CIITA: variants seen among roughly 807,000 people sequenced by gnomAD.
CIITA encodes MHC class II transactivator.
Under a neutral mutation model 115.1 loss-of-function variants are expected in CIITA, and 72 were observed. The ratio of observed to expected loss-of-function variants is 0.63; its 90% CI spans 0.52 to 0.76. CIITA has a LOEUF of 0.76. Ranked by LOEUF, CIITA falls within the 30% of genes least tolerant of loss-of-function variation. The probability of loss-of-function intolerance (pLI) is 0.00; values close to 1 mark genes in which losing one functional copy is unlikely to be tolerated. For missense variants in CIITA, 1,617 were observed against 1,463.8 expected (o/e 1.10, Z -1.71); for synonymous variants, 763 against 635.6 (o/e 1.20, Z -3.02).
At chr16:10,898,576 G>A in intron 3 of CIITA, 94 bp from the exon 4 acceptor site, 16 of 999,114 alleles carry the variant, frequency 1.6e-5, no homozygotes, top group Non-Finnish European at 2.3e-5. Flanking sequence ...CCCACTGTGT[G>A]CCAGGCCCAG....
chr16:10,896,123 C>T (rs2038098932), intron 3 of CIITA, among the ~76,000 whole-genome samples: 1 of 152,228 alleles, frequency 6.6e-6, no homozygotes, highest in Non-Finnish European at 1.5e-5. Flanking sequence ...AGCCAAGCTA[C>T]TCTAGTATTT....
At chr16:10,899,033 C>A in intron 5 of CIITA, 31 bp downstream of exon 5, 1 of 1,608,964 alleles carries the variant, frequency 6.2e-7, no homozygotes, top group South Asian at 1.1e-5. Context: ...TCCAACCTAG[C>A]CTTGCTTGAG....
In CIITA at chr16:10,907,861, C is replaced by G. The variant is rs1026200952; in HGVS notation, c.2369C>G (p.Ala790Gly). ...GTGGACAGGAAGCAGAAGGTGCTTG[C>G]GAGGTACCTGAAGCGGCTGCAGCCG... ...ASVDRKQKVL[A>G]RYLKRLQPGT... The change falls in exon 11 of 20, where the codon GCG becomes GGG. Residue 790 changes from alanine (A) to glycine (G), a missense_variant. Coordinates refer to ENST00000324288, the MANE Select transcript of CIITA (RefSeq NM_000246.4). This position sits in a 1 kb window ranked among gnomAD's most constrained non-coding sequence, Gnocchi z 5.0. 1.2e-6 allele frequency: 2 copies of G among 1,610,722 alleles called. No homozygotes were observed. Among genetic ancestry groups the G allele is most frequent in the Admixed American group, 1.7e-5 (1 of 59,724 alleles).
At position 10,941,713 on chromosome 16, in the gene CIITA, A is replaced by G; in HGVS notation, n.839A>G. The G allele has an allele frequency of 6.2e-7, 1 of 1,603,212 alleles. No homozygotes were observed. The highest frequency in any genetic ancestry group is 8.5e-7 in the Non-Finnish European group (1 of 1,174,150). On this transcript the variant is annotated non_coding_transcript_exon_variant, in exon 2 of 2. Transcript: ENST00000573379. This position sits in a 1 kb window ranked among gnomAD's most constrained non-coding sequence, Gnocchi z 6.4. ...GTAGGGAAGAGGGGAACAGCAGTCG[A>G]GACCCTACTCCAAGTACGCATCAAA...
chr16:10,867,901 A>G (rs543206601), intron 1 of CIITA, among the ~76,000 whole-genome samples: 4 of 152,150 alleles, frequency 2.6e-5, no homozygotes, highest in African/African-American at 9.6e-5. Context: ...GACTACAGGC[A>G]TGCACCACTA....
intron 1 of CIITA, among the ~76,000 whole-genome samples, chr16:10,890,481 T>A (rs2037450649): frequency 6.6e-6 from 1 of 152,164 alleles, no homozygotes; most frequent in Non-Finnish European, 1.5e-5. Flanking sequence ...GAGATAGGGC[T>A]TCACCATGTT....
At position 10,913,780 on chromosome 16, in the gene CIITA, A is replaced by G. The variant is rs1044144237; in HGVS notation, c.2889-1790A>G. On this transcript the variant is annotated intron_variant, in intron 13 of 19. Coordinates refer to ENST00000324288, the MANE Select transcript of CIITA (RefSeq NM_000246.4). ...TAGTGAAACCCCATCTCTACTAAATATACAAAACAAATTAGCTGGGCATGG... is the reference window on the plus strand; with the variant it reads ...TAGTGAAACCCCATCTCTACTAAATGTACAAAACAAATTAGCTGGGCATGG... Among the ~76,000 whole-genome samples, 22 of 151,776 alleles carry G rather than the reference A, an allele frequency of 1.4e-4. 1 individual carries two copies. Among genetic ancestry groups the G allele is most frequent in the African/African-American group, 2.4e-5 (1 of 41,370 alleles).
At chr16:10,910,590 C>T (rs985509242) in intron 13 of CIITA, among the ~76,000 whole-genome samples, 1 of 152,214 alleles carries the variant, frequency 6.6e-6, no homozygotes, top group Non-Finnish European at 1.5e-5. Flanking sequence ...GTCAGGGGGA[C>T]TTCCTGGAGG....
intron 3 of CIITA, among the ~76,000 whole-genome samples, chr16:10,897,849 C>G (rs764337619): frequency 6.6e-6 from 1 of 152,204 alleles, no homozygotes; most frequent in Non-Finnish European, 1.5e-5. Context: ...TTATGGCCAT[C>G]ATTCCATTCC....
At chr16:10,909,416 A>G (rs2039405354) in intron 12 of CIITA, among the ~76,000 whole-genome samples, 1 of 152,222 alleles carries the variant, frequency 6.6e-6, no homozygotes, top group African/African-American at 2.4e-5. Flanking sequence ...CATGTGCCCA[A>G]GTCTTAGCTA....
At chr16:10,873,017 G>C (rs966818893), upstream of CIITA, among the ~76,000 whole-genome samples, 4 of 152,082 alleles carry the variant, frequency 2.6e-5, no homozygotes, top group Non-Finnish European at 4.4e-5. Flanking sequence ...CTGTCGCCAA[G>C]GCTGGAGCAC....
At chr16:10,895,260 T>G in intron 1 of CIITA, 22 bp from the exon 2 acceptor site, 1 of 1,613,398 alleles carries the variant, frequency 6.2e-7, no homozygotes, top group Non-Finnish European at 8.5e-7. Context: ...GTGAGGTGAC[T>G]GAGCATTGTC....
intron 1 of CIITA, among the ~76,000 whole-genome samples, chr16:10,886,803 T>C (rs1437722137): frequency 6.6e-6 from 1 of 152,178 alleles, no homozygotes; most frequent in Non-Finnish European, 1.5e-5. Context: ...AGAGGTTGAG[T>C]AACATTTGCA....
At chr16:10,897,764 T>A (rs8063850) in intron 3 of CIITA, among the ~76,000 whole-genome samples, 80,333 of 151,826 alleles carry the variant, frequency 0.53, 26,311 homozygotes, top group Non-Finnish European at 0.73. Flanking sequence ...TCAGTAGATG[T>A]TAGGTACTAC....
rs867784792 is a variant in CIITA at position 10,934,613 on chromosome 16, A to C, written c.*10758A>C. 2.0e-5 allele frequency: 3 copies of C among 152,274 alleles called. No homozygotes were observed. In the South Asian group the frequency reaches 6.2e-4, roughly 32 times the overall value. 9.4% of individuals were successfully genotyped at this position (152,274 alleles called of 1,614,324 possible). ...ATGGGTATCTGAGATGAGTCATCGA[A>C]CTTCTGCAAGCCTCAGTTTCCTCCC... On this transcript the variant is annotated 3_prime_UTR_variant, in exon 20 of 20. Transcript: ENST00000324288. This position sits in a 1 kb window ranked among gnomAD's most constrained non-coding sequence, Gnocchi z 4.2.
intron 1 of CIITA, among the ~76,000 whole-genome samples, chr16:10,867,816 C>A (rs2035195235): frequency 6.6e-6 from 1 of 152,160 alleles, no homozygotes; most frequent in African/African-American, 2.4e-5. Flanking sequence ...AGTGTAGTCG[C>A]ATGATCACAG....
chr16:10,919,506 A>G (rs1424818640), intron 16 of CIITA, among the ~76,000 whole-genome samples: 1 of 150,168 alleles, frequency 6.7e-6, no homozygotes, highest in African/African-American at 2.4e-5. Context: ...CGGCCAACTT[A>G]TTTATTTATT....
chr16:10,867,249 A>C (rs1242752411), intron 1 of CIITA, among the ~76,000 whole-genome samples: 3 of 151,760 alleles, frequency 2.0e-5, no homozygotes, highest in African/African-American at 7.3e-5. Flanking sequence ...ATCTCAAAAA[A>C]AAAAATAGAG....
At chr16:10,908,751 C>G (rs2039351320) in intron 11 of CIITA, 1 of 593,532 alleles carries the variant, frequency 1.7e-6, no homozygotes, top group Non-Finnish European at 3.0e-6. Flanking sequence ...CCTAAACATA[C>G]TTTACCCAAG....
Sources: gnomAD v4.1 joint callset for allele counts (sites outside exome capture counted in the v4.1 genomes callset) on GRCh38, gnomAD v4.1.1 for gene constraint, Gnocchi (gnomAD v3.1) non-coding constraint, MANE v1.5 for transcripts, NCBI Gene and HGNC (gene_info 2026-07-23, HGNC 2026-07-21) for gene names.